EMB: variants seen among roughly 807,000 people sequenced by gnomAD.
EMB encodes embigin, also known as embigin homolog.
EMB carries 31 observed loss-of-function variants against 41.4 expected under a neutral mutation model. The observed-to-expected ratio is 0.75, with a 90% CI of 0.56 to 1.01. The LOEUF (loss-of-function observed/expected upper bound fraction) is 1.01. Among genes scored for constraint, EMB ranks in the 50% least tolerant of loss-of-function variants. The pLI is 0.00. For synonymous variants in EMB, 137 were observed against 140.4 expected, an observed-to-expected ratio of 0.98 and a Z score of 0.17; for missense variants, 379 against 388.3, an observed-to-expected ratio of 0.98 and a Z score of 0.20.
At chr5:50,426,063 T>G (rs1745606581) in intron 2 of EMB, among the ~76,000 whole-genome samples, 1 of 152,222 alleles carries the variant, frequency 6.6e-6, no homozygotes, top group Non-Finnish European at 1.5e-5. Flanking sequence ...TACTACATCA[T>G]TTCAAAACTA....
At chr5:50,424,627 G>T (rs1040895236) in intron 2 of EMB, among the ~76,000 whole-genome samples, 1 of 152,120 alleles carries the variant, frequency 6.6e-6, no homozygotes, top group Non-Finnish European at 1.5e-5. Context: ...AAACATGCAG[G>T]ACTCTCATTT....
chr5:50,428,053 C>T (rs1745649387), intron 2 of EMB, 91 bp downstream of exon 2: 4 of 856,362 alleles, frequency 4.7e-6, no homozygotes, highest in Non-Finnish European at 5.6e-6. Context: ...GGGATTACCA[C>T]TTCGCAAAGC....
chr5:50,396,511 G>C lies in EMB; in HGVS notation c.*2762C>G, dbSNP rs1298042241. 1 of 152,118 alleles carries C rather than the reference G, an allele frequency of 6.6e-6. No individual in the cohort carries two copies. The highest frequency in any genetic ancestry group is 2.4e-5 in the African/African-American group (1 of 41,424). 9.4% of individuals were successfully genotyped at this position (152,118 alleles called of 1,614,324 possible). On this transcript the variant is annotated 3_prime_UTR_variant, in exon 9 of 9. Coordinates refer to ENST00000303221, the MANE Select transcript of EMB (RefSeq NM_198449.3). ...CTACCAGGTATGGGGGCTTCTCTAA[G>C]ACACAAGATCAGATTAAAGTCTTGA... is the stretch of plus-strand genomic sequence containing the variant.
chr5:50,434,892 T>A (rs1403790600), intron 1 of EMB, among the ~76,000 whole-genome samples: 1 of 152,230 alleles, frequency 6.6e-6, no homozygotes, highest in African/African-American at 2.4e-5. Context: ...AGCATATATG[T>A]CATAAGTTAT....
intron 2 of EMB, among the ~76,000 whole-genome samples, chr5:50,413,321 T>C (rs1216602918): frequency 6.6e-6 from 1 of 152,150 alleles, no homozygotes; most frequent in African/African-American, 2.4e-5. Flanking sequence ...GCATTTTGCA[T>C]CAACTGCTGC....
At chr5:50,429,154 G>A (rs1035261892) in intron 1 of EMB, among the ~76,000 whole-genome samples, 3 of 152,068 alleles carry the variant, frequency 2.0e-5, no homozygotes, top group East Asian at 1.9e-4. Flanking sequence ...TCGGCCTCCC[G>A]AAGTACTGGG....
intron 4 of EMB, among the ~76,000 whole-genome samples, chr5:50,408,898 G>C (rs1745288831): frequency 6.6e-6 from 1 of 151,642 alleles, no homozygotes; most frequent in Non-Finnish European, 1.5e-5. Flanking sequence ...TGAATTATAG[G>C]GAATTTTTAT....
intron 2 of EMB, among the ~76,000 whole-genome samples, chr5:50,426,596 A>G (rs1256247643): frequency 6.6e-6 from 1 of 152,208 alleles, no homozygotes; most frequent in Non-Finnish European, 1.5e-5. Context: ...TCTACAAGAT[A>G]CATTTTATCC....
chr5:50,398,702 G>A lies in EMB; in HGVS notation c.*571C>T, dbSNP rs1230192708. The A allele has an allele frequency of 3.9e-5, 6 of 152,042 alleles. No homozygotes were observed. 9.4% of individuals were successfully genotyped at this position (152,042 alleles called of 1,614,324 possible). On this transcript the variant is annotated 3_prime_UTR_variant, in exon 9 of 9. Transcript: ENST00000303221. Reference sequence around the variant, plus strand: ...TTATTTGCCTTAAACCAATATTTCCGGATAAAAGGTATATTTTTCTTGTGG... The same window carrying A: ...TTATTTGCCTTAAACCAATATTTCCAGATAAAAGGTATATTTTTCTTGTGG...
chr5:50,411,128 C>T, intron 3 of EMB, 69 bp downstream of exon 3: 3 of 1,385,298 alleles, frequency 2.2e-6, no homozygotes, highest in South Asian at 2.9e-5. Context: ...AAAGAATGCT[C>T]AGTCAGCAAA....
At chr5:50,410,154 C>T (rs540819523) in intron 4 of EMB, among the ~76,000 whole-genome samples, 2 of 152,140 alleles carry the variant, frequency 1.3e-5, no homozygotes, top group East Asian at 3.9e-4. Context: ...CAGAGTCCGA[C>T]GTAGTTAATA....
chr5:50,411,231 T>A lies in EMB; in HGVS notation c.349A>T (p.Ser117Cys), dbSNP rs1157344177. Residue 117 changes from serine to cysteine, a missense_variant, in exon 3 of 9, where the codon AGT (serine) becomes TGT (cysteine). Ser to Cys is a moderately radical substitution (Grantham distance 112, BLOSUM62 -1). Transcript: ENST00000303221. ...GTATACAAGGTGCTTCCTGTTGCAC[T>A]GACAAGATAATTATTCTCAAGTTGT... ...GEQLENNYLVSATGSTLYTQY... is the reference protein window; with the variant it reads ...GEQLENNYLVCATGSTLYTQY... 6.2e-7 allele frequency: 1 copy of A among 1,612,776 alleles called. No individual in the cohort carries two copies. The highest frequency in any genetic ancestry group is 1.7e-5 in the Admixed American group (1 of 59,924).
At position 50,397,273 on chromosome 5, in the gene EMB, G is replaced by C. The variant is rs1160569467; in HGVS notation, c.*2000C>G. On this transcript the variant is annotated 3_prime_UTR_variant, in exon 9 of 9. Transcript: ENST00000303221. ...ATCCAACAGTGGTAATTTTCTGGAA[G>C]TCCTCCAGAGAGACTACAAAAAGCC... The C allele has an allele frequency of 6.6e-6, 1 of 152,074 alleles. No homozygotes were observed. The highest frequency in any genetic ancestry group is 1.9e-4 in the East Asian group (1 of 5,178). 9.4% of individuals were successfully genotyped at this position (152,074 alleles called of 1,614,324 possible). A position where few individuals can be genotyped will look rare whatever the true frequency, so the allele number is the denominator to read the frequency against.
intron 2 of EMB, among the ~76,000 whole-genome samples, chr5:50,417,705 A>T (rs750054511): frequency 1.3e-5 from 2 of 152,294 alleles, no homozygotes; most frequent in Non-Finnish European, 2.9e-5. Flanking sequence ...CTCCCTCAAG[A>T]CCTATGAACT....
intron 2 of EMB, among the ~76,000 whole-genome samples, chr5:50,417,835 C>T (rs1045680232): frequency 6.6e-6 from 1 of 152,004 alleles, no homozygotes; most frequent in Non-Finnish European, 1.5e-5. Flanking sequence ...ACAAATGAAG[C>T]CAGGTTTTCC....
chr5:50,433,152 A>G (rs1745750570), intron 1 of EMB, among the ~76,000 whole-genome samples: 1 of 152,158 alleles, frequency 6.6e-6, no homozygotes, highest in South Asian at 2.1e-4. Flanking sequence ...TCAGAGACAG[A>G]TAACACTCCA....
At chr5:50,441,736 C>A (rs1258043673), upstream of EMB, among the ~76,000 whole-genome samples, 1 of 152,310 alleles carries the variant, frequency 6.6e-6, no homozygotes, top group African/African-American at 2.4e-5. Context: ...CACACACATT[C>A]TCTCTTCTAG....
At chr5:50,399,357 C>A (rs1300872735) in intron 8 of EMB, 67 bp from the exon 9 acceptor site, 13 of 1,589,626 alleles carry the variant, frequency 8.2e-6, no homozygotes, top group Non-Finnish European at 1.1e-5. Flanking sequence ...AACTTACTAT[C>A]ACTTTAGCAA....
At chr5:50,443,306 G>C (rs1218198499), upstream of EMB, 3 of 152,182 alleles carry the variant, frequency 2.0e-5, no homozygotes, top group African/African-American at 7.2e-5. Flanking sequence ...CTGCAGCCTT[G>C]ACCTTCTGGG....
Sources: allele counts gnomAD v4.1 joint callset (sites outside exome capture counted in the v4.1 genomes callset), GRCh38; gene constraint gnomAD v4.1.1; transcripts MANE v1.5; gene names NCBI Gene and HGNC (gene_info 2026-07-23, HGNC 2026-07-21).